TJP3: variants seen among roughly 807,000 people sequenced by gnomAD.
TJP3 encodes the protein tight junction protein 3.
Under a neutral mutation model 104.2 loss-of-function variants are expected in TJP3, and 85 were observed. The ratio of observed to expected loss-of-function variants is 0.82; its 90% CI spans 0.68 to 0.98. The LOEUF is 0.98. Ranked by LOEUF, TJP3 falls within the 50% of genes least tolerant of loss-of-function variation. The pLI is 0.00. For missense variants in TJP3, 1,367 were observed against 1,322.8 expected, an observed-to-expected ratio of 1.03 and a Z score of -0.52; for synonymous variants, 550 against 550.6, an observed-to-expected ratio of 1.00 and a Z score of 0.02.
chr19:3,728,646 G>C lies in TJP3; in HGVS notation c.91G>C (p.Asp31His). Residue 31 changes from aspartate to histidine, a missense_variant, in exon 3 of 21, where the codon GAC becomes CAC. By Grantham distance (81) the Asp-to-His change is moderately conservative. Coordinates refer to ENST00000541714, the MANE Select transcript of TJP3 (RefSeq NM_001267560.2). Reference sequence around the variant, plus strand: ...TGGCATTGCGATCTCTGGAGGCCGAGACCGGCCCGGTGGATCCATGGTTGT... The same window carrying C: ...TGGCATTGCGATCTCTGGAGGCCGACACCGGCCCGGTGGATCCATGGTTGT... ...GFGIAISGGRDRPGGSMVVSD... is the reference protein window; with the variant it reads ...GFGIAISGGRHRPGGSMVVSD... The C allele has an allele frequency of 6.2e-7, 1 of 1,613,746 alleles. No individual in the cohort carries two copies.
Position 3,746,371 on chromosome 19 carries a change from G to A in TJP3, c.2011-114G>A. 8.4e-7 allele frequency: 1 copy of A among 1,186,208 alleles called. No individual in the cohort carries two copies. The highest frequency in any genetic ancestry group is 1.2e-6 in the Non-Finnish European group (1 of 836,766). The allele number at this position is 1,186,208 out of a possible 1,614,324, so 73.5% of individuals were successfully genotyped here. A position where few individuals can be genotyped will look rare whatever the true frequency, so the allele number is the denominator to read the frequency against. ...CCCCATCCCCAACTTGCTAGCCTGT[G>A]GATGTGAGAGGCTGGGGTCCACTCT... is the stretch of plus-strand genomic sequence containing the variant. On this transcript the variant is annotated intron_variant, in intron 16 of 20. Coordinates refer to ENST00000541714, the MANE Select transcript of TJP3 (RefSeq NM_001267560.2). The surrounding 1 kb of genome is among the most constrained non-coding windows in gnomAD (Gnocchi z 4.1).
chr19:3,723,025 T>A (rs1202723108), intron 1 of TJP3, among the ~76,000 whole-genome samples: 1 of 152,118 alleles, frequency 6.6e-6, no homozygotes. Context: ...AGAGTTCACC[T>A]GGACAGGGGC....
rs34246692 is a variant in TJP3, at chr19:3,733,874, C to G, written c.839C>G (p.Pro280Arg). 320 of 1,614,140 alleles carry G rather than the reference C, an allele frequency of 2.0e-4. No homozygotes were observed. The African/African-American group carries it at 3.6e-3, about 18-fold the overall frequency. ...CGTGGGCAGTTCCTGGTGAACATTC[C>G]GCCTGCTGTCAGTGACAGCGACAGC... ...RDRGQFLVNI[P>R]PAVSDSDSSP... The change falls in exon 7 of 21, where the codon CCG (proline) becomes CGG (arginine). Residue 280 changes from proline to arginine, a missense_variant. Transcript: ENST00000541714.
intron 1 of TJP3, among the ~76,000 whole-genome samples, chr19:3,711,450 C>G (rs1036567354): frequency 1.3e-5 from 2 of 151,392 alleles, no homozygotes; most frequent in Admixed American, 6.6e-5. Context: ...TCGCTCGCCT[C>G]GGCCTCCCAA....
intron 1 of TJP3, among the ~76,000 whole-genome samples, chr19:3,722,089 C>G (rs1599145991): frequency 1.1e-5 from 1 of 87,086 alleles, no homozygotes; most frequent in Admixed American, 9.7e-5. Flanking sequence ...GATGCGTCCG[C>G]GCGTCCGCGC....
chr19:3,735,335 G>A (rs1040087216), intron 8 of TJP3, among the ~76,000 whole-genome samples: 9 of 151,870 alleles, frequency 5.9e-5, no homozygotes, highest in African/African-American at 1.9e-4. Flanking sequence ...GAGTAGCTGG[G>A]ATTACAGGCG....
rs765675607 is a variant in TJP3 at position 3,739,110 on chromosome 19, G to A, written c.1607G>A (p.Arg536Gln). The A allele has an allele frequency of 1.0e-5, 16 of 1,571,278 alleles. No homozygotes were observed. Among genetic ancestry groups the A allele is most frequent in the African/African-American group, 4.0e-5 (3 of 74,238 alleles). ...RMGRDLREQE[R>Q]GIIPNQSRAE... ...GGTCGTGACCTGCGGGAGCAAGAGC[G>A]GGGCATCATTCCCAACCAGAGCAGG... Residue 536 changes from arginine to glutamine, a missense_variant, in exon 13 of 21, where the codon CGG becomes CAG. Arg to Gln is a conservative substitution (Grantham distance 43). Coordinates refer to ENST00000541714, the MANE Select transcript of TJP3 (RefSeq NM_001267560.2).
rs567175324 is a variant in TJP3, at chr19:3,717,343, T to C, written c.-10+8782T>C. On this transcript the variant is annotated intron_variant, in intron 1 of 20. Transcript: ENST00000541714. ...GTCTCAAACTCCTGACCTCAAGTGATTCGGCCGCCTTGGCCATCCAAAGTG... is the reference window on the plus strand; with the variant it reads ...GTCTCAAACTCCTGACCTCAAGTGACTCGGCCGCCTTGGCCATCCAAAGTG... Among the ~76,000 whole-genome samples the C allele has an allele frequency of 1.3e-3, 166 of 125,670 alleles. 4 individuals carry two copies. Among genetic ancestry groups the C allele is most frequent in the African/African-American group, 4.0e-3 (159 of 39,574 alleles). The allele number at this position is 125,670 out of a possible 152,430, so 82.4% of individuals were successfully genotyped here. A position where few individuals can be genotyped will look rare whatever the true frequency, so the allele number is the denominator to read the frequency against.
chr19:3,738,505 GC>G, intron 11 of TJP3, 49 bp from the exon 12 acceptor site: 1 of 1,520,318 alleles, frequency 6.6e-7, no homozygotes, highest in Middle Eastern at 1.7e-4. Context: ...TCTCATGCAC[GC>G]CCAAGAGGTA....
intron 1 of TJP3, among the ~76,000 whole-genome samples, chr19:3,722,657 C>T (rs889320919): frequency 6.6e-6 from 1 of 151,752 alleles, no homozygotes; most frequent in African/African-American, 2.4e-5. Context: ...TCTTCAGACC[C>T]ACCAGCCAGG....
intron 13 of TJP3, among the ~76,000 whole-genome samples, chr19:3,740,269 G>A (rs1359504258): frequency 1.3e-5 from 2 of 152,004 alleles, no homozygotes; most frequent in Non-Finnish European, 2.9e-5. Flanking sequence ...TTAGCTGGGC[G>A]TGGTGGCGGG....
chr19:3,735,470 A>G lies in TJP3; in HGVS notation c.987-96A>G, dbSNP rs1039421216. The G allele has an allele frequency of 3.4e-5, 42 of 1,248,050 alleles. No individual in the cohort carries two copies. The Middle Eastern group carries it at 1.1e-3, about 33-fold the overall frequency. The allele number at this position is 1,248,050 out of a possible 1,614,324, so 77.3% of individuals were successfully genotyped here. A position where few individuals can be genotyped will look rare whatever the true frequency, so the allele number is the denominator to read the frequency against. ...CACCTCGACCTCCCAAAATGCTAGGATTACAGGCATGAACCACCGTGCCCG... is the reference window on the plus strand; with the variant it reads ...CACCTCGACCTCCCAAAATGCTAGGGTTACAGGCATGAACCACCGTGCCCG... On this transcript the variant is annotated intron_variant, in intron 8 of 20. Coordinates refer to ENST00000541714, the MANE Select transcript of TJP3 (RefSeq NM_001267560.2).
intron 1 of TJP3, among the ~76,000 whole-genome samples, chr19:3,714,426 C>T (rs1180948107): frequency 1.3e-5 from 2 of 149,872 alleles, no homozygotes; most frequent in African/African-American, 4.9e-5. Flanking sequence ...GATCCACCCG[C>T]GTTGGCCTCC....
chr19:3,740,789 TG>T lies in TJP3; in HGVS notation c.1843+30del, dbSNP rs1340952890. The T allele has an allele frequency of 2.6e-6, 4 of 1,517,650 alleles. No homozygotes were observed. In the South Asian group the frequency reaches 3.8e-5, roughly 15 times the overall value. 94.0% of individuals were successfully genotyped at this position (1,517,650 alleles called of 1,614,324 possible). On this transcript the variant is annotated intron_variant, in intron 14 of 20. Transcript: ENST00000541714. The stretch of plus-strand genomic sequence containing the variant: ...GTGGGGCCCGGAGCTGGAGGGGCCC[TG>T]GGGAGGCCTCACACACAGCTCCTGG...
chr19:3,723,275 G>A (rs1276904070), intron 1 of TJP3, among the ~76,000 whole-genome samples: 6 of 152,236 alleles, frequency 3.9e-5, no homozygotes, highest in South Asian at 4.1e-4. Flanking sequence ...TATGATATGC[G>A]TACGGAGGAA....
At chr19:3,719,240 G>T (rs574328442) in intron 1 of TJP3, among the ~76,000 whole-genome samples, 2 of 108,134 alleles carry the variant, frequency 1.8e-5, no homozygotes, top group South Asian at 3.2e-4. Flanking sequence ...TGCGCCACCT[G>T]CTGGTGGCGG....
intron 1 of TJP3, among the ~76,000 whole-genome samples, chr19:3,714,143 C>T (rs1421160040): frequency 2.6e-5 from 4 of 151,284 alleles, no homozygotes; most frequent in South Asian, 2.1e-4. Flanking sequence ...CTCTGCCTCC[C>T]GGTTCAAGAG....
chr19:3,734,013 G>A, intron 7 of TJP3, 101 bp downstream of exon 7: 1 of 1,431,676 alleles, frequency 7.0e-7, no homozygotes, highest in Non-Finnish European at 9.4e-7. Flanking sequence ...CTGGTCCCTA[G>A]AGGCTCAGAG....
chr19:3,718,777 C>T (rs972761993), intron 1 of TJP3, among the ~76,000 whole-genome samples: 1 of 152,050 alleles, frequency 6.6e-6, no homozygotes, highest in Non-Finnish European at 1.5e-5. Flanking sequence ...TTTGCCAGAC[C>T]TAAGCAGAGA....
Sources: gnomAD v4.1 joint callset for allele counts (sites outside exome capture counted in the v4.1 genomes callset) on GRCh38, gnomAD v4.1.1 for gene constraint, Gnocchi (gnomAD v3.1) non-coding constraint, MANE v1.5 for transcripts, NCBI Gene and HGNC (gene_info 2026-07-23, HGNC 2026-07-21) for gene names.